MTUS2: variants seen among roughly 807,000 people sequenced by gnomAD.
The protein encoded by MTUS2 is microtubule associated scaffold protein 2.
A neutral mutation model predicts 114.1 loss-of-function variants in MTUS2; 40 were observed. The ratio of observed to expected loss-of-function variants is 0.35; its 90% confidence interval spans 0.27 to 0.46. The LOEUF (loss-of-function observed/expected upper bound fraction) is 0.46. MTUS2 is among the 20% of genes least tolerant of loss of function. MTUS2 has a pLI of 1.00. For missense variants in MTUS2, 1,679 were observed against 1,705.4 expected (o/e 0.98, Z 0.27); for synonymous variants, 688 against 672.0 (o/e 1.02, Z -0.37).
chr13:29,218,046 G>A (rs1895750442), intron 5 of MTUS2, among the ~76,000 whole-genome samples: 1 of 151,960 alleles, frequency 6.6e-6, no homozygotes, highest in Non-Finnish European at 1.5e-5. Flanking sequence ...GAGTCCAGGA[G>A]GTCATGGCTG....
At chr13:29,305,748 A>G (rs956930521) in intron 6 of MTUS2, among the ~76,000 whole-genome samples, 1 of 152,226 alleles carries the variant, frequency 6.6e-6, no homozygotes, top group Non-Finnish European at 1.5e-5. Flanking sequence ...AACTATTTCA[A>G]AAAATTGAAG....
intron 5 of MTUS2, among the ~76,000 whole-genome samples, chr13:29,257,601 A>G (rs1258698510): frequency 1.3e-5 from 2 of 152,200 alleles, no homozygotes; most frequent in Admixed American, 1.3e-4. Context: ...TTTATTTTAT[A>G]AGAGATGGGG....
chr13:29,440,020 T>G lies in MTUS2; in HGVS notation c.3155T>G (p.Ile1052Ser). 1 of 1,589,526 alleles carries G rather than the reference T, an allele frequency of 6.3e-7. No homozygotes were observed. The highest frequency in any genetic ancestry group is 8.6e-7 in the Non-Finnish European group (1 of 1,166,258). ...CTTGTGAAAGAAAAAGAGCTGTCAA[T>G]CGAACTTGCAAACATCAGGGATGAA... ...SALVKEKELS[I>S]ELANIRDEVA... Residue 1052 changes from isoleucine (I) to serine (S), a missense_variant, in exon 9 of 16, where the codon ATC (isoleucine) becomes AGC (serine). Transcript: ENST00000612955.
At chr13:29,410,418 C>T (rs377642957) in intron 8 of MTUS2, among the ~76,000 whole-genome samples, 11 of 152,130 alleles carry the variant, frequency 7.2e-5, no homozygotes, top group East Asian at 5.8e-4. Flanking sequence ...TGAGCCACCG[C>T]GCCCAGGCTG....
At chr13:29,419,439 G>T (rs1381513567) in intron 8 of MTUS2, among the ~76,000 whole-genome samples, 1 of 152,156 alleles carries the variant, frequency 6.6e-6, no homozygotes, top group Non-Finnish European at 1.5e-5. Flanking sequence ...TTCCTCTGGG[G>T]TTAGGGTGGC....
At chr13:29,320,327 C>G (rs1056619621) in intron 6 of MTUS2, among the ~76,000 whole-genome samples, 2 of 152,170 alleles carry the variant, frequency 1.3e-5, no homozygotes, top group Non-Finnish European at 2.9e-5. Context: ...CCAGCCTGGC[C>G]GACCCCTTGG....
rs181571957 is a variant in MTUS2 at position 29,090,362 on chromosome 13, A to G, written c.2447-10411A>G. Among the ~76,000 whole-genome samples the G allele has an allele frequency of 5.3e-5, 8 of 152,266 alleles. No homozygotes were observed. The East Asian group carries it at 1.5e-3, about 29-fold the overall frequency. On this transcript the variant is annotated intron_variant, in intron 4 of 15. Transcript: ENST00000612955. ...AACACTCTGATGGGGGCTGCCAGCA[A>G]AAGTGCTCTGGTAGGGTAGTGGAGT...
At chr13:29,397,393 C>A (rs969168878) in intron 8 of MTUS2, among the ~76,000 whole-genome samples, 1 of 152,178 alleles carries the variant, frequency 6.6e-6, no homozygotes, top group African/African-American at 2.4e-5. Context: ...CTATTTTCTT[C>A]TACTGTGCCA....
At chr13:29,486,807 G>C (rs367638387) in intron 10 of MTUS2, among the ~76,000 whole-genome samples, 4 of 152,160 alleles carry the variant, frequency 2.6e-5, no homozygotes, top group African/African-American at 9.7e-5. Context: ...TGTGTACAAT[G>C]GTGATTTTTA....
chr13:29,455,972 C>T (rs951222658), intron 9 of MTUS2, among the ~76,000 whole-genome samples: 3 of 151,838 alleles, frequency 2.0e-5, no homozygotes, highest in South Asian at 2.1e-4. Flanking sequence ...CAGAGCAAGA[C>T]CCTGTCTCAA....
At chr13:28,820,257 G>T (rs1028494736), upstream of MTUS2, 1 of 147,204 alleles carries the variant, frequency 6.8e-6, no homozygotes, top group African/African-American at 2.4e-5. Flanking sequence ...TCGAGCGGGG[G>T]CGGCGGCCTG....
At position 29,100,819 on chromosome 13, in the gene MTUS2, C is replaced by T. The variant is rs541967637; in HGVS notation, c.2493C>T (p.Leu831=). The T allele has an allele frequency of 3.7e-5, 57 of 1,551,680 alleles. No homozygotes were observed. The East Asian group carries it at 1.1e-3, about 29-fold the overall frequency. Residue 831 remains leucine (L), a synonymous_variant, in exon 5 of 16, where the codon CTC becomes CTT. Transcript: ENST00000612955. ...GTTCAAATGCTGCAAAATCCAATCT[C>T]CCGAAATCTGGTCTCCGTCCTCCCG... ...ASSSNAAKSN[L]PKSGLRPPGY...
intron 2 of MTUS2, among the ~76,000 whole-genome samples, chr13:28,981,136 C>T (rs1199539480): frequency 1.3e-5 from 2 of 152,118 alleles, no homozygotes; most frequent in East Asian, 3.8e-4. Context: ...GTATGTAGTG[C>T]CATGGAACTG....
intron 3 of MTUS2, 121 bp downstream of exon 3, chr13:29,027,024 C>A: frequency 9.3e-7 from 1 of 1,071,344 alleles, no homozygotes; most frequent in Non-Finnish European, 1.3e-6. Context: ...TTCATGGATA[C>A]ACTTGTGAAG....
chr13:29,127,030 C>T (rs908131366), intron 5 of MTUS2, among the ~76,000 whole-genome samples: 4 of 152,212 alleles, frequency 2.6e-5, no homozygotes, highest in Admixed American at 1.3e-4. Flanking sequence ...GTGCCCTCTC[C>T]GTCTGGGCTC....
intron 4 of MTUS2, among the ~76,000 whole-genome samples, chr13:29,090,652 C>T (rs1223217804): frequency 1.3e-5 from 2 of 152,208 alleles, no homozygotes; most frequent in Non-Finnish European, 2.9e-5. Flanking sequence ...TGCATGTGGG[C>T]ATGGGTAGGC....
intron 11 of MTUS2, among the ~76,000 whole-genome samples, chr13:29,491,218 T>G (rs1009923648): frequency 6.7e-5 from 10 of 149,288 alleles, no homozygotes; most frequent in African/African-American, 2.5e-4. Context: ...GGGTATGTTA[T>G]GTACAAAGGT....
intron 2 of MTUS2, among the ~76,000 whole-genome samples, chr13:28,928,989 A>G (rs908744038): frequency 6.6e-6 from 1 of 152,258 alleles, no homozygotes; most frequent in African/African-American, 2.4e-5. Context: ...ATTGAGTTAC[A>G]GAAACAAATC....
intron 2 of MTUS2, among the ~76,000 whole-genome samples, chr13:28,913,749 C>CT (rs1215931776): frequency 4.0e-5 from 6 of 151,586 alleles, no homozygotes; most frequent in South Asian, 2.1e-4. Context: ...TGGTCCTGGG[C>CT]TTTTTTTTGG....
Sources: allele counts gnomAD v4.1 joint callset (sites outside exome capture counted in the v4.1 genomes callset), GRCh38; gene constraint gnomAD v4.1.1; transcripts MANE v1.5; gene names NCBI Gene and HGNC (gene_info 2026-07-23, HGNC 2026-07-21).